Variants in AAK1 observed in about 807,000 individuals in gnomAD.
AAK1 encodes AP2-associated protein kinase 1.
A neutral mutation model predicts 116.0 loss-of-function variants in AAK1; 37 were observed. That is an observed-to-expected ratio of 0.32 (90% confidence interval 0.25 to 0.42). The LOEUF (loss-of-function observed/expected upper bound fraction) is 0.42, where lower values mean the gene tolerates loss of function less well. AAK1 is among the 10% of genes least tolerant of loss of function. The probability of loss-of-function intolerance (pLI) is 1.00; values close to 1 mark genes in which losing one functional copy is unlikely to be tolerated. For synonymous variants in AAK1, 458 were observed against 439.9 expected (o/e 1.04, Z -0.51); for missense variants, 919 against 1,170.6 (o/e 0.79, Z 3.14).
At chr2:69,518,815 T>C (rs1676699969) in intron 12 of AAK1, 139 bp downstream of exon 12, 2 of 1,310,680 alleles carry the variant, frequency 1.5e-6, no homozygotes, top group Non-Finnish European at 2.0e-6. Context: ...GATCCGCTTC[T>C]CAATGCTTTA....
chr2:69,465,434 C>A lies in AAK1; in HGVS notation c.*10435G>T, dbSNP rs563883939. 1.0e-5 allele frequency: 13 copies of A among 1,287,510 alleles called. No homozygotes were observed. The East Asian group carries it at 6.7e-4, about 66-fold the overall frequency. The allele number at this position is 1,287,510 out of a possible 1,614,324, so 79.8% of individuals were successfully genotyped here. On this transcript the variant is annotated 3_prime_UTR_variant, in exon 22 of 22. Transcript: ENST00000409085. ...GGCTCAGGTTTTGCTCCTAGGGTTT[C>A]TTGCCTGATTTTGAAGGGAAGGGTG...
Position 69,507,788 on chromosome 2 carries a change from C to A in AAK1, c.2007-210G>T, listed in dbSNP as rs1676245666. Among the ~76,000 whole-genome samples, 5 of 151,640 alleles carry A rather than the reference C, an allele frequency of 3.3e-5. No homozygotes were observed. In the East Asian group the frequency reaches 7.7e-4, roughly 23 times the overall value. On this transcript the variant is annotated intron_variant, in intron 14 of 21. Coordinates refer to ENST00000409085, the MANE Select transcript of AAK1 (RefSeq NM_014911.5). ...ATGGCGTGATCTCGACTCACTGCAA[C>A]CTCCGTCTCCCAGGTTCAAGCGATT...
intron 2 of AAK1, among the ~76,000 whole-genome samples, chr2:69,575,703 G>A (rs1310731685): frequency 6.6e-6 from 1 of 152,038 alleles, no homozygotes; most frequent in East Asian, 1.9e-4. Flanking sequence ...CTTAACCTCA[G>A]GTGATCCACC....
intron 2 of AAK1, among the ~76,000 whole-genome samples, chr2:69,575,813 T>C (rs1030511484): frequency 2.6e-5 from 4 of 152,218 alleles, no homozygotes; most frequent in Admixed American, 2.0e-4. Context: ...TATTTCAGTA[T>C]TGATTTTTCT....
chr2:69,627,884 T>A (rs1305095137), intron 2 of AAK1, among the ~76,000 whole-genome samples: 5 of 152,240 alleles, frequency 3.3e-5, no homozygotes, highest in Non-Finnish European at 5.9e-5. Context: ...AGTCCCTAAC[T>A]GAAGCCCGTC....
At chr2:69,637,721 C>G (rs1242963730) in intron 2 of AAK1, among the ~76,000 whole-genome samples, 1 of 152,132 alleles carries the variant, frequency 6.6e-6, no homozygotes, top group African/African-American at 2.4e-5. Context: ...TCCGAAGCGT[C>G]AACATTCAAA....
chr2:69,547,800 C>T (rs1670992091), intron 3 of AAK1, among the ~76,000 whole-genome samples: 1 of 152,132 alleles, frequency 6.6e-6, no homozygotes, highest in Non-Finnish European at 1.5e-5. Context: ...TTCATAGCAA[C>T]ATTATTCACA....
chr2:69,491,883 T>C (rs1481347776), intron 17 of AAK1, among the ~76,000 whole-genome samples: 2 of 152,202 alleles, frequency 1.3e-5, no homozygotes, highest in African/African-American at 4.8e-5. Flanking sequence ...ACTAACAGTT[T>C]CAGATCTATT....
intron 2 of AAK1, among the ~76,000 whole-genome samples, chr2:69,567,620 C>T (rs1431803994): frequency 6.6e-6 from 1 of 152,158 alleles, no homozygotes; most frequent in Non-Finnish European, 1.5e-5. Context: ...CCTTACCAGA[C>T]CTTCAGAAGG....
intron 2 of AAK1, among the ~76,000 whole-genome samples, chr2:69,597,016 T>C (rs1248292687): frequency 1.3e-5 from 2 of 151,966 alleles, no homozygotes; most frequent in African/African-American, 4.8e-5. Flanking sequence ...TATTACCAAA[T>C]TGGGTCTTTT....
intron 17 of AAK1, among the ~76,000 whole-genome samples, chr2:69,490,284 T>C (rs545763222): frequency 3.3e-5 from 5 of 152,296 alleles, no homozygotes; most frequent in Non-Finnish European, 7.4e-5. Flanking sequence ...AATTAGCATA[T>C]GATCCAGCAA....
At chr2:69,602,864 C>T (rs1310039039) in intron 2 of AAK1, among the ~76,000 whole-genome samples, 1 of 152,172 alleles carries the variant, frequency 6.6e-6, no homozygotes, top group African/African-American at 2.4e-5. Context: ...AACGCTTCCT[C>T]ATTTATTTTA....
At chr2:69,510,434 T>C (rs1273180911) in intron 13 of AAK1, among the ~76,000 whole-genome samples, 2 of 152,244 alleles carry the variant, frequency 1.3e-5, no homozygotes, top group Non-Finnish European at 2.9e-5. Context: ...CACATTTTCT[T>C]TATCCAATCT....
chr2:69,574,376 T>TC (rs1273116560), intron 2 of AAK1, among the ~76,000 whole-genome samples: 1 of 54,858 alleles, frequency 1.8e-5, no homozygotes, highest in African/African-American at 1.0e-4. Context: ...AGACTCCCTC[T>TC]CAAAAAAAAA....
intron 2 of AAK1, among the ~76,000 whole-genome samples, chr2:69,640,831 G>T (rs924121306): frequency 2.6e-5 from 4 of 152,046 alleles, no homozygotes; most frequent in African/African-American, 9.7e-5. Flanking sequence ...CTAAAACTGG[G>T]GGCCACTGCA....
chr2:69,528,260 T>C (rs891963595), intron 8 of AAK1, among the ~76,000 whole-genome samples: 1 of 152,200 alleles, frequency 6.6e-6, no homozygotes, highest in African/African-American at 2.4e-5. Flanking sequence ...GAATCTTAAA[T>C]GCCATGCTAA....
At chr2:69,617,512 A>T (rs971615421) in intron 2 of AAK1, among the ~76,000 whole-genome samples, 13 of 152,240 alleles carry the variant, frequency 8.5e-5, no homozygotes, top group African/African-American at 3.1e-4. Context: ...CCTACTTATT[A>T]AAAGCATACA....
At position 69,643,590 on chromosome 2, in the gene AAK1, G is replaced by A; in HGVS notation, c.-250C>T. 1 of 1,228,748 alleles carries A rather than the reference G, an allele frequency of 8.1e-7. No individual in the cohort carries two copies. Among genetic ancestry groups the A allele is most frequent in the African/African-American group, 1.6e-5 (1 of 64,364 alleles). 76.1% of individuals were successfully genotyped at this position (1,228,748 alleles called of 1,614,324 possible). A position where few individuals can be genotyped will look rare whatever the true frequency, so the allele number is the denominator to read the frequency against. On this transcript the variant is annotated 5_prime_UTR_variant, in exon 1 of 22. Transcript: ENST00000409085. Reference sequence around the variant, plus strand: ...CAGCACCCACTTGAGACGGCTCGGCGGCCGGCGCCCTGCTACCAGCCCCGC... The same window carrying A: ...CAGCACCCACTTGAGACGGCTCGGCAGCCGGCGCCCTGCTACCAGCCCCGC...
intron 10 of AAK1, among the ~76,000 whole-genome samples, chr2:69,524,826 C>T (rs1334442504): frequency 3.3e-5 from 5 of 152,218 alleles, no homozygotes; most frequent in Admixed American, 2.6e-4. Flanking sequence ...GTTCTTGATT[C>T]TCTTTCAAAT....
Sources: gnomAD v4.1 joint callset for allele counts (sites outside exome capture counted in the v4.1 genomes callset) on GRCh38, gnomAD v4.1.1 for gene constraint, MANE v1.5 for transcripts, NCBI Gene and HGNC (gene_info 2026-07-23, HGNC 2026-07-21) for gene names.